Variants in ZNF180 observed in about 807,000 individuals in gnomAD.
ZNF180 encodes zinc finger protein 180 (HHZ168).
Under a neutral mutation model 11.8 loss-of-function variants are expected in ZNF180, and 11 were observed. The ratio of observed to expected loss-of-function variants is 0.93; its 90% CI spans 0.59 to 1.55. The LOEUF is 1.55. Among genes scored for constraint, ZNF180 ranks in the 40% most tolerant of loss-of-function variants. ZNF180 has a pLI of 0.00. For synonymous variants in ZNF180, 287 were observed against 257.7 expected (o/e 1.11, Z -1.09); for missense variants, 773 against 781.7 (o/e 0.99, Z 0.13).
At chr19:44,489,632 A>G (rs1265841334) in intron 2 of ZNF180, among the ~76,000 whole-genome samples, 8 of 118,720 alleles carry the variant, frequency 6.7e-5, no homozygotes, top group African/African-American at 1.7e-4. Flanking sequence ...GCCTAGGAAA[A>G]CCAGAGACCT....
At chr19:44,485,160 C>CAAAAAAAAAAAAAAAAAAAAAAAAAAA (rs200848889) in intron 2 of ZNF180, 1 of 81,602 alleles carries the variant, frequency 1.2e-5, no homozygotes, top group Non-Finnish European at 2.5e-5. Context: ...GACTCCATCT[C>CAAAAAAAAAAAAAAAAAAAAAAAAAAA]AAAAAAAAAA....
rs1229096882 is a variant in ZNF180, at chr19:44,477,181, C to T, written c.1219G>A (p.Glu407Lys). 1 of 1,613,190 alleles carries T rather than the reference C, an allele frequency of 6.2e-7. No individual in the cohort carries two copies. The highest frequency in any genetic ancestry group is 8.5e-7 in the Non-Finnish European group (1 of 1,179,334). ...CACTGATTGCATTCATAAGGCTTCT[C>T]CCCAGTATGAGTTCTTTGATGCACA... ...LVVHQRTHTG[E>K]KPYECNQCGK... The change falls in exon 5 of 5, where the codon GAG becomes AAG. Residue 407 changes from glutamate to lysine, a missense_variant. By Grantham distance (56) the Glu-to-Lys change is moderately conservative (BLOSUM62 1). Transcript: ENST00000592529.
intron 3 of ZNF180, among the ~76,000 whole-genome samples, chr19:44,484,055 C>T (rs1030724048): frequency 4.7e-5 from 7 of 150,220 alleles, no homozygotes; most frequent in Admixed American, 6.6e-5. Context: ...AGTGCAGTGG[C>T]GCAATCTCGG....
chr19:44,494,770 A>T (rs1276857728), intron 2 of ZNF180, among the ~76,000 whole-genome samples: 2 of 152,256 alleles, frequency 1.3e-5, no homozygotes, highest in East Asian at 3.8e-4. Context: ...TTTCTAAAAC[A>T]ATTGCACATG....
Position 44,476,220 on chromosome 19 carries a change from T to G in ZNF180, c.*182A>C. 1 of 538,036 alleles carries G rather than the reference T, an allele frequency of 1.9e-6. No homozygotes were observed. The highest frequency in any genetic ancestry group is 3.1e-6 in the Non-Finnish European group (1 of 322,226). The allele number at this position is 538,036 out of a possible 1,614,324, so 33.3% of individuals were successfully genotyped here. ...TATATGGAATTGCCAGGTTGAAAAG[T>G]CGTTCATAGACTTTCCCCCTTTCTT... On this transcript the variant is annotated 3_prime_UTR_variant, in exon 5 of 5. Transcript: ENST00000592529.
chr19:44,487,787 C>T (rs1205607279), intron 2 of ZNF180, among the ~76,000 whole-genome samples: 1 of 152,172 alleles, frequency 6.6e-6, no homozygotes, highest in Non-Finnish European at 1.5e-5. Context: ...AGTGCAGTGG[C>T]ATGATCTCAA....
intron 2 of ZNF180, chr19:44,485,166 A>G (rs1044279387): frequency 1.4e-5 from 1 of 70,298 alleles, no homozygotes; most frequent in Non-Finnish European, 3.0e-5. Flanking sequence ...ATCTCAAAAA[A>G]AAAAAAAAAA....
At chr19:44,486,196 TGAA>T (rs1405083146) in intron 2 of ZNF180, among the ~76,000 whole-genome samples, 1 of 109,278 alleles carries the variant, frequency 9.2e-6, no homozygotes, top group African/African-American at 2.9e-5. Flanking sequence ...AGTGAAAAAA[TGAA>T]GAACATTATA....
At position 44,495,201 on chromosome 19, in the gene ZNF180, G is replaced by A. The variant is rs1379862616; in HGVS notation, c.51+2083C>T. Reference sequence around the variant, plus strand: ...ACTTATCTGATCTAGCCCCCTGTAGGTAGTTCCTCTCCCATTTCCACAATG... The same window carrying A: ...ACTTATCTGATCTAGCCCCCTGTAGATAGTTCCTCTCCCATTTCCACAATG... On this transcript the variant is annotated intron_variant, in intron 2 of 4. Transcript: ENST00000592529. The surrounding 1 kb of genome is among the most constrained non-coding windows in gnomAD (Gnocchi z 4.5). 6.6e-6 allele frequency among the ~76,000 whole-genome samples: 1 copy of A among 152,052 alleles called. No homozygotes were observed. Among genetic ancestry groups the A allele is most frequent in the African/African-American group, 2.4e-5 (1 of 41,382 alleles).
chr19:44,497,435 C>T, intron 1 of ZNF180, 58 bp from the exon 2 acceptor site: 1 of 1,497,646 alleles, frequency 6.7e-7, no homozygotes. Flanking sequence ...CGCTGGGCCC[C>T]CCACCCCCAT....
chr19:44,493,756 T>TTG (rs375151011), intron 2 of ZNF180, among the ~76,000 whole-genome samples: 2 of 118,026 alleles, frequency 1.7e-5, no homozygotes, highest in Admixed American at 8.9e-5. Flanking sequence ...TTGCTCTCTC[T>TTG]CTCTCTCTCA....
chr19:44,479,477 A>G (rs1177631953), intron 3 of ZNF180, 68 bp from the exon 4 acceptor site: 5 of 1,594,212 alleles, frequency 3.1e-6, no homozygotes, highest in Non-Finnish European at 4.3e-6. Context: ...GAGGAGGAAA[A>G]GTCTGACAGA....
At position 44,497,295 on chromosome 19, in the gene ZNF180, C is replaced by T. The variant is rs545494505; in HGVS notation, c.40G>A (p.Val14Ile). ...GGGTCTCCACTCACCTGTGCACAGA[C>T]CTTCGGGGGCTCTGGGGGCTTCTCA... ...QDEKPPEPPK[V>I]CAQDSFLPQE... Residue 14 changes from valine (V) to isoleucine (I), a missense_variant, in exon 2 of 5, where the codon GTC becomes ATC. Coordinates refer to ENST00000592529, the MANE Select transcript of ZNF180 (RefSeq NM_001278509.3). 1 of 1,592,928 alleles carries T rather than the reference C, an allele frequency of 6.3e-7. No individual in the cohort carries two copies. The highest frequency in any genetic ancestry group is 8.5e-7 in the Non-Finnish European group (1 of 1,173,360).
intron 1 of ZNF180, chr19:44,500,074 C>G (rs1288106363): frequency 1.4e-6 from 2 of 1,433,042 alleles, no homozygotes; most frequent in Non-Finnish European, 1.9e-6. Context: ...CCTGACCAAG[C>G]ACCCGCGCAT....
chr19:44,488,975 G>C (rs1382488795), intron 2 of ZNF180, among the ~76,000 whole-genome samples: 1 of 150,702 alleles, frequency 6.6e-6, no homozygotes, highest in Non-Finnish European at 1.5e-5. Context: ...TGAGAAGTGA[G>C]GAGCCCCTCC....
chr19:44,500,518 C>G lies in ZNF180; in HGVS notation c.-287G>C, dbSNP rs1970727429. The G allele has an allele frequency of 1.9e-6, 1 of 513,264 alleles. No individual in the cohort carries two copies. Among genetic ancestry groups the G allele is most frequent in the South Asian group, 2.8e-5 (1 of 35,246 alleles). 31.8% of individuals were successfully genotyped at this position (513,264 alleles called of 1,614,324 possible). On this transcript the variant is annotated 5_prime_UTR_variant, in exon 1 of 5. Transcript: ENST00000592529. ...GTCCGCGCGCGGGACAATGGCTGCT[C>G]TTGTGGCCGAACCCGGAAGTGCACT...
rs143336779 is a variant in ZNF180, at chr19:44,477,690, G to A, written c.710C>T (p.Thr237Ile). The A allele has an allele frequency of 4.8e-5, 77 of 1,613,796 alleles. No individual in the cohort carries two copies. The highest frequency in any genetic ancestry group is 6.2e-5 in the Non-Finnish European group (73 of 1,179,906). ...GGATTTATCTTTTGTTTGAGTTCTT[G>A]TAAACTGAATAAGGTGAATGCTCTG... ...PPQSIHLIQF[T>I]RTQTKDKSYG... The change falls in exon 5 of 5, where the codon ACA becomes ATA. Residue 237 changes from threonine to isoleucine, a missense_variant. Thr to Ile is a moderately conservative substitution (Grantham distance 89, BLOSUM62 -1). Coordinates refer to ENST00000592529, the MANE Select transcript of ZNF180 (RefSeq NM_001278509.3).
At chr19:44,488,111 C>T (rs1332503228) in intron 2 of ZNF180, among the ~76,000 whole-genome samples, 3 of 64,560 alleles carry the variant, frequency 4.6e-5, no homozygotes, top group Non-Finnish European at 1.1e-4. Context: ...CCCTCTCTTT[C>T]CACGGTCTCC....
chr19:44,481,943 G>T (rs1220593248), intron 3 of ZNF180, among the ~76,000 whole-genome samples: 1 of 152,038 alleles, frequency 6.6e-6, no homozygotes, highest in Non-Finnish European at 1.5e-5. Flanking sequence ...CTTCTCACTT[G>T]TCCCAAATTC....
Sources: gnomAD v4.1 joint callset for allele counts (sites outside exome capture counted in the v4.1 genomes callset) on GRCh38, gnomAD v4.1.1 for gene constraint, Gnocchi (gnomAD v3.1) non-coding constraint, MANE v1.5 for transcripts, NCBI Gene and HGNC (gene_info 2026-07-23, HGNC 2026-07-21) for gene names.